Variants in OAS1 observed in about 807,000 individuals in gnomAD.
OAS1 encodes 2'-5'-oligoadenylate synthetase 1, also known as 2'-5'-oligoadenylate synthase 1.
In OAS1, 24 loss-of-function variants were observed where a neutral mutation model predicts 38.5. That is an observed-to-expected ratio of 0.62 (90% CI 0.45 to 0.88). OAS1 has a LOEUF of 0.88. OAS1 is among the 40% of genes least tolerant of loss of function. OAS1 has a pLI of 0.00. For missense variants in OAS1, 482 were observed against 493.9 expected (o/e 0.98, Z 0.23); for synonymous variants, 169 against 193.9 (o/e 0.87, Z 1.07).
downstream of OAS1, chr12:112,919,917 T>C (rs1345446770): frequency 5.1e-6 from 3 of 588,696 alleles, no homozygotes; most frequent in African/African-American, 5.6e-5. Flanking sequence ...ATTGGGTGTT[T>C]ATTAACTTCA....
downstream of OAS1, among the ~76,000 whole-genome samples, chr12:112,921,045 A>G (rs2043525595): frequency 6.6e-6 from 1 of 152,186 alleles, no homozygotes; most frequent in Non-Finnish European, 1.5e-5. Flanking sequence ...CTCTGGCGCC[A>G]TGAGAACCAG....
At chr12:112,911,772 C>T (rs553952663) in intron 3 of OAS1, among the ~76,000 whole-genome samples, 3 of 152,214 alleles carry the variant, frequency 2.0e-5, no homozygotes, top group Admixed American at 6.5e-5. Flanking sequence ...ATAGTTGGTC[C>T]TGATAAATGT....
At chr12:112,921,301 GCTGA>G, downstream of OAS1, among the ~76,000 whole-genome samples, 1 of 152,324 alleles carries the variant, frequency 6.6e-6, no homozygotes, top group Admixed American at 6.5e-5. Flanking sequence ...CACACTCCAT[GCTGA>G]TAGGCAAGTG....
Position 112,907,025 on chromosome 12 carries a change from C to T in OAS1, c.-15C>T. On this transcript the variant is annotated 5_prime_UTR_variant, in exon 1 of 6. Transcript: ENST00000202917. Reference sequence around the variant, plus strand: ...GGTCTGGGAGGCAGTTCTGTTGCCACTCTCTCTCCTGTCAATGATGGATCT... The same window carrying T: ...GGTCTGGGAGGCAGTTCTGTTGCCATTCTCTCTCCTGTCAATGATGGATCT... 1 of 1,613,878 alleles carries T rather than the reference C, an allele frequency of 6.2e-7. No individual in the cohort carries two copies. Among genetic ancestry groups the T allele is most frequent in the Non-Finnish European group, 8.5e-7 (1 of 1,179,806 alleles).
In OAS1 at chr12:112,919,849, T is replaced by C; in HGVS notation, c.*296T>C. 3.1e-6 allele frequency: 3 copies of C among 953,358 alleles called. No individual in the cohort carries two copies. The South Asian group carries it at 5.4e-5, about 17-fold the overall frequency. The allele number at this position is 953,358 out of a possible 1,614,324, so 59.1% of individuals were successfully genotyped here. ...CCTTGACTTTCTTCTGTGCACCTGA[T>C]GGGAGGGTAATGTCTAATGTATTAT... On this transcript the variant is annotated 3_prime_UTR_variant, in exon 6 of 6. Coordinates refer to ENST00000202917, the MANE Select transcript of OAS1 (RefSeq NM_016816.4).
At chr12:112,917,892 A>G (rs1055173468) in intron 5 of OAS1, 192 bp downstream of exon 5, 1 of 1,470,154 alleles carries the variant, frequency 6.8e-7, no homozygotes, top group Non-Finnish European at 9.0e-7. Context: ...GAATTTTCAC[A>G]TCCCTTGTCC....
In OAS1 at chr12:112,908,624, A is replaced by T. The variant is rs2043330652; in HGVS notation, c.269A>T (p.Asp90Val). 6.2e-7 allele frequency: 1 copy of T among 1,614,126 alleles called. No individual in the cohort carries two copies. The highest frequency in any genetic ancestry group is 1.7e-5 in the Admixed American group (1 of 60,014). ...VFLSPLTTFQ[D>V]QLNRRGEFIQ... The stretch of plus-strand genomic sequence containing the variant: ...CTCAGTCCTCTCACCACTTTTCAGG[A>T]TCAGTTAAATCGCCGGGGAGAGTTC... Residue 90 changes from aspartate (D) to valine (V), a missense_variant, in exon 2 of 6, where the codon GAT becomes GTT. Transcript: ENST00000202917.
At chr12:112,919,256 C>A in intron 5 of OAS1, 133 bp from the exon 6 acceptor site, 3 of 821,000 alleles carry the variant, frequency 3.7e-6, no homozygotes, top group Non-Finnish European at 5.8e-6. Context: ...ACTGTCCCAG[C>A]AGCTGGGGCT....
intron 6 of OAS1, among the ~76,000 whole-genome samples, chr12:112,927,260 A>G (rs4766671): frequency 0.74 from 113,164 of 152,130 alleles, 43,390 homozygotes; most frequent in African/African-American, 0.94. Flanking sequence ...TGAGGAAGTG[A>G]TAAATGTCCA....
Position 112,916,569 on chromosome 12 carries a change from G to A in OAS1, c.715G>A (p.Ala239Thr), listed in dbSNP as rs777439610. 11 of 1,614,038 alleles carry A rather than the reference G, an allele frequency of 6.8e-6. No homozygotes were observed. Among genetic ancestry groups the A allele is most frequent in the Non-Finnish European group, 9.3e-6 (11 of 1,180,046 alleles). ...TGCCCTGGAGCTCCTGACGGTCTATGCTTGGGAGCGAGGGAGCATGAAAAC... is the reference window on the plus strand; with the variant it reads ...TGCCCTGGAGCTCCTGACGGTCTATACTTGGGAGCGAGGGAGCATGAAAAC... ...QYALELLTVY[A>T]WERGSMKTHF... The change falls in exon 4 of 6, where the codon GCT becomes ACT. Residue 239 changes from alanine (A) to threonine (T), a missense_variant. Transcript: ENST00000202917.
downstream of OAS1, among the ~76,000 whole-genome samples, chr12:112,921,649 A>G (rs1022877565): frequency 1.3e-5 from 2 of 152,160 alleles, no homozygotes; most frequent in Admixed American, 6.5e-5. Context: ...TCCCATGACT[A>G]ACACTTTGAA....
At chr12:112,915,923 TG>T (rs569207536) in intron 3 of OAS1, among the ~76,000 whole-genome samples, 3 of 152,342 alleles carry the variant, frequency 2.0e-5, no homozygotes, top group African/African-American at 7.2e-5. Flanking sequence ...TAACTCTTAG[TG>T]TTTTGTTTCC....
At chr12:112,932,761 T>A (rs563604586), downstream of OAS1, 2 of 152,354 alleles carry the variant, frequency 1.3e-5, no homozygotes, top group East Asian at 3.9e-4. Context: ...CAGGTTGAAA[T>A]CATTGCTCCC....
downstream of OAS1, among the ~76,000 whole-genome samples, chr12:112,923,048 ATGTGCACTGTATACATTAAATG>A (rs1481900525): frequency 6.6e-6 from 1 of 152,226 alleles, no homozygotes; most frequent in Non-Finnish European, 1.5e-5. Context: ...TAAAGGCTGT[ATGTGCACTGTATACATTAAATG>A]TGTGCACTGT....
downstream of OAS1, among the ~76,000 whole-genome samples, chr12:112,920,155 G>C (rs548240820): frequency 6.6e-6 from 1 of 152,308 alleles, no homozygotes; most frequent in East Asian, 1.9e-4. Context: ...TCATGGAGTT[G>C]ACATTTGTGC....
At position 112,916,540 on chromosome 12, in the gene OAS1, A is replaced by G. The variant is rs762883044; in HGVS notation, c.686A>G (p.Gln229Arg). 6 of 1,614,172 alleles carry G rather than the reference A, an allele frequency of 3.7e-6. No homozygotes were observed. The highest frequency in any genetic ancestry group is 1.7e-5 in the Admixed American group (1 of 60,020). Reference sequence around the variant, plus strand: ...AAGAAGCTTGGGAAGCTGCCACCTCAGTATGCCCTGGAGCTCCTGACGGTC... The same window carrying G: ...AAGAAGCTTGGGAAGCTGCCACCTCGGTATGCCCTGGAGCTCCTGACGGTC... ...CKKKLGKLPP[Q>R]YALELLTVYA... is the part of the protein sequence containing the mutation. The change falls in exon 4 of 6, where the codon CAG (glutamine) becomes CGG (arginine). Residue 229 changes from glutamine (Q) to arginine (R), a missense_variant. Coordinates refer to ENST00000202917, the MANE Select transcript of OAS1 (RefSeq NM_016816.4).
intron 6 of OAS1, chr12:112,931,740 GC>G (rs1480400573): frequency 1.9e-6 from 1 of 523,904 alleles, no homozygotes; most frequent in African/African-American, 2.0e-5. Flanking sequence ...GGACTGCACA[GC>G]AAATCAAGAC....
At chr12:112,921,253 C>T (rs1398656512), downstream of OAS1, among the ~76,000 whole-genome samples, 1 of 152,218 alleles carries the variant, frequency 6.6e-6, no homozygotes, top group Non-Finnish European at 1.5e-5. Flanking sequence ...TCTTGGCACC[C>T]TTAGCCCAGT....
At chr12:112,933,131 A>T (rs1050290313), downstream of OAS1, 7 of 152,224 alleles carry the variant, frequency 4.6e-5, no homozygotes, top group African/African-American at 1.7e-4. Context: ...CTCCTTTGTC[A>T]ACTGATCCCC....
Sources: gnomAD v4.1 joint callset for allele counts (sites outside exome capture counted in the v4.1 genomes callset) on GRCh38, gnomAD v4.1.1 for gene constraint, MANE v1.5 for transcripts, NCBI Gene and HGNC (gene_info 2026-07-23, HGNC 2026-07-21) for gene names.